CREBBP: variants seen among roughly 807,000 people sequenced by gnomAD.
CREBBP encodes the protein CREB binding lysine acetyltransferase.
Under a neutral mutation model 265.0 loss-of-function variants are expected in CREBBP, and 19 were observed. That is an observed-to-expected ratio of 0.07 (90% CI 0.05 to 0.11). The LOEUF (loss-of-function observed/expected upper bound fraction) is 0.11. Ranked by LOEUF, CREBBP falls within the 10% of genes least tolerant of loss-of-function variation. The pLI, the probability that CREBBP is intolerant of heterozygous loss-of-function variation, is 1.00. For missense variants in CREBBP, 2,525 were observed against 3,219.0 expected, an observed-to-expected ratio of 0.78 and a Z score of 5.22; for synonymous variants, 1,457 against 1,223.7, an observed-to-expected ratio of 1.19 and a Z score of -3.98.
Position 3,830,884 on chromosome 16 carries a change from C to T in CREBBP, c.798+19413G>A, listed in dbSNP as rs1306322989. 4.6e-5 allele frequency among the ~76,000 whole-genome samples: 7 copies of T among 152,116 alleles called. No individual in the cohort carries two copies. The East Asian group carries it at 9.6e-4, about 21-fold the overall frequency. ...GTAACCTCTACCTCCTGGGGTGAAG[C>T]GATTTTTGTATCTCAGCCCCCTCAA... On this transcript the variant is annotated intron_variant, in intron 2 of 30. Transcript: ENST00000262367.
intron 22 of CREBBP, 29 bp downstream of exon 22, chr16:3,745,248 T>TG: frequency 8.7e-6 from 14 of 1,604,752 alleles, no homozygotes; most frequent in Non-Finnish European, 1.2e-5. Flanking sequence ...TGTGCAGAAC[T>TG]GCCCTCCAGG....
chr16:3,871,039 AAAAG>A (rs1002874624), intron 1 of CREBBP, among the ~76,000 whole-genome samples: 7 of 151,758 alleles, frequency 4.6e-5, no homozygotes, highest in Non-Finnish European at 1.0e-4. Context: ...GGAAGGAAGG[AAAAG>A]AAAGAAAGAG....
intron 15 of CREBBP, 41 bp from the exon 16 acceptor site, chr16:3,767,950 C>A (rs778929787): frequency 6.3e-7 from 1 of 1,593,768 alleles, no homozygotes; most frequent in Non-Finnish European, 8.6e-7. Flanking sequence ...ATATCAAACA[C>A]CTTTATGTTA....
rs2051734334 is a variant in CREBBP at position 3,726,060 on chromosome 16, T to TG, written c.*1657dup. The TG allele has an allele frequency of 4.3e-6, 1 of 233,156 alleles. No individual in the cohort carries two copies. The highest frequency in any genetic ancestry group is 2.2e-5 in the African/African-American group (1 of 45,352). The allele number at this position is 233,156 out of a possible 1,614,324, so 14.4% of individuals were successfully genotyped here. On this transcript the variant is annotated 3_prime_UTR_variant, in exon 31 of 31. Transcript: ENST00000262367. ...GGCTAAGTGCAAGTATCCCCCGAAG[T>TG]GGGGGACCTTTCTCACTGTAACAGG...
intron 26 of CREBBP, 91 bp downstream of exon 26, chr16:3,738,468 A>G: frequency 1.2e-6 from 1 of 828,422 alleles, no homozygotes; most frequent in Admixed American, 2.1e-5. Context: ...AAAAACGCAT[A>G]AAACTTAAAA....
intron 3 of CREBBP, among the ~76,000 whole-genome samples, chr16:3,795,594 T>TAA (rs952739182): frequency 6.6e-6 from 1 of 152,216 alleles, no homozygotes; most frequent in African/African-American, 2.4e-5. Flanking sequence ...TTATGGGGCA[T>TAA]AAACTGGAAT....
At chr16:3,764,480 T>C (rs2052799130) in intron 16 of CREBBP, among the ~76,000 whole-genome samples, 1 of 152,136 alleles carries the variant, frequency 6.6e-6, no homozygotes, top group Non-Finnish European at 1.5e-5. Flanking sequence ...CTCACTACGT[T>C]GCCCAGGCTG....
intron 1 of CREBBP, among the ~76,000 whole-genome samples, chr16:3,874,369 C>T (rs1041123783): frequency 2.6e-5 from 4 of 152,176 alleles, no homozygotes; most frequent in African/African-American, 7.2e-5. Flanking sequence ...TCTGTGCAGC[C>T]GTGGTAGGCC....
chr16:3,786,237 G>C (rs370718709), intron 5 of CREBBP, among the ~76,000 whole-genome samples: 1 of 152,144 alleles, frequency 6.6e-6, no homozygotes, highest in Non-Finnish European at 1.5e-5. Context: ...GTGGTGGTGC[G>C]TGCCTGTCAT....
chr16:3,871,539 T>C (rs1194691132), intron 1 of CREBBP, among the ~76,000 whole-genome samples: 1 of 152,262 alleles, frequency 6.6e-6, no homozygotes, highest in African/African-American at 2.4e-5. Flanking sequence ...AGCTCCTGAA[T>C]GTCCTCATTC....
intron 3 of CREBBP, among the ~76,000 whole-genome samples, chr16:3,802,422 G>A (rs543692275): frequency 7.9e-5 from 12 of 151,990 alleles, no homozygotes; most frequent in African/African-American, 2.2e-4. Flanking sequence ...GTGAGCCACC[G>A]CGCCCAGCCT....
At chr16:3,853,563 T>C (rs182259109) in intron 1 of CREBBP, among the ~76,000 whole-genome samples, 12 of 151,736 alleles carry the variant, frequency 7.9e-5, no homozygotes, top group Admixed American at 3.3e-4. Flanking sequence ...TGAGCCAAGA[T>C]TGCGCCACTG....
chr16:3,875,464 C>T (rs544847396), intron 1 of CREBBP, among the ~76,000 whole-genome samples: 2 of 152,306 alleles, frequency 1.3e-5, no homozygotes, highest in East Asian at 3.9e-4. Context: ...ACACACGTCA[C>T]GCTGAGGATA....
At chr16:3,824,525 T>A (rs2054202079) in intron 2 of CREBBP, among the ~76,000 whole-genome samples, 2 of 152,220 alleles carry the variant, frequency 1.3e-5, no homozygotes, top group Non-Finnish European at 2.9e-5. Context: ...GCAAGCACTG[T>A]CTCAGAAGAG....
intron 2 of CREBBP, among the ~76,000 whole-genome samples, chr16:3,823,937 G>C (rs1421465707): frequency 2.7e-5 from 4 of 148,546 alleles, no homozygotes; most frequent in African/African-American, 9.9e-5. Flanking sequence ...TAGGACACTG[G>C]AAGTTGAAAA....
intron 2 of CREBBP, among the ~76,000 whole-genome samples, chr16:3,849,088 C>A (rs2054728203): frequency 6.6e-6 from 1 of 152,206 alleles, no homozygotes; most frequent in South Asian, 2.1e-4. Flanking sequence ...ACAGCCCAAA[C>A]TGATTTTCTG....
intron 1 of CREBBP, among the ~76,000 whole-genome samples, chr16:3,876,862 T>A (rs887680498): frequency 1.3e-5 from 2 of 152,208 alleles, no homozygotes; most frequent in Admixed American, 6.5e-5. Context: ...GTGACATTCA[T>A]CACTCTGAGG....
intron 2 of CREBBP, among the ~76,000 whole-genome samples, chr16:3,822,591 C>T (rs774198530): frequency 2.6e-5 from 4 of 152,118 alleles, no homozygotes; most frequent in African/African-American, 4.8e-5. Context: ...TGTGTCATCT[C>T]CTCATGGCGA....
At chr16:3,803,495 ACTCT>A (rs1007961013) in intron 3 of CREBBP, among the ~76,000 whole-genome samples, 10 of 151,870 alleles carry the variant, frequency 6.6e-5, no homozygotes, top group African/African-American at 2.4e-4. Flanking sequence ...ACAGATCGAG[ACTCT>A]CTCTCAACAA....
Sources: gnomAD v4.1 joint callset for allele counts (sites outside exome capture counted in the v4.1 genomes callset) on GRCh38, gnomAD v4.1.1 for gene constraint, MANE v1.5 for transcripts, NCBI Gene and HGNC (gene_info 2026-07-23, HGNC 2026-07-21) for gene names.